SPON1: variants seen among roughly 807,000 people sequenced by gnomAD.
SPON1 encodes spondin 1, also known as spondin-1.
In SPON1, 52 loss-of-function variants were observed where a neutral mutation model predicts 111.7. That is an observed-to-expected ratio of 0.47 (90% CI 0.37 to 0.59). The LOEUF (loss-of-function observed/expected upper bound fraction) is 0.59, where lower values mean the gene tolerates loss of function less well. Ranked by LOEUF, SPON1 falls within the 20% of genes least tolerant of loss-of-function variation. The pLI, the probability that SPON1 is intolerant of heterozygous loss-of-function variation, is 0.00. For missense variants in SPON1, 957 were observed against 1,068.5 expected (o/e 0.90, Z 1.46); for synonymous variants, 410 against 395.8 (o/e 1.04, Z -0.43).
At chr11:14,264,468 A>C (rs1001253603) in intron 15 of SPON1, among the ~76,000 whole-genome samples, 2 of 152,234 alleles carry the variant, frequency 1.3e-5, no homozygotes, top group African/African-American at 4.8e-5. Context: ...CCATGTAAAA[A>C]AGTGAAGATT....
intron 3 of SPON1, among the ~76,000 whole-genome samples, chr11:14,075,007 T>A (rs1389715460): frequency 6.6e-6 from 1 of 152,206 alleles, no homozygotes; most frequent in Non-Finnish European, 1.5e-5. Context: ...ACATGAAAAG[T>A]AGAGTAAAAT....
At chr11:13,997,808 G>T (rs916454108) in intron 2 of SPON1, among the ~76,000 whole-genome samples, 5 of 152,158 alleles carry the variant, frequency 3.3e-5, no homozygotes, top group African/African-American at 1.2e-4. Flanking sequence ...AATGTGGGTG[G>T]TTGGCTGGGC....
chr11:14,214,810 T>A (rs998962330), intron 6 of SPON1, among the ~76,000 whole-genome samples: 4 of 152,222 alleles, frequency 2.6e-5, no homozygotes, highest in Non-Finnish European at 4.4e-5. Flanking sequence ...AGCCAACTCC[T>A]CTTGCCCCTG....
rs1554941240 is a variant in SPON1, at chr11:14,256,625, A to G, written c.1242A>G (p.Gln414=). The change falls in exon 10 of 16, where the codon CAA becomes CAG. Residue 414 remains glutamine, a synonymous_variant. Transcript: ENST00000576479. ...VIERIARKGE[Q]CNIVPDNVDD... ...TAAAATTCCTTTTTCAGGGTGAACA[A>G]TGCAATATTGTACCTGACAATGTCG... The G allele has an allele frequency of 2.5e-6, 4 of 1,613,218 alleles. No individual in the cohort carries two copies. The highest frequency in any genetic ancestry group is 2.5e-6 in the Non-Finnish European group (3 of 1,179,382).
intron 15 of SPON1, 43 bp from the exon 16 acceptor site, chr11:14,265,481 G>T: frequency 6.3e-7 from 1 of 1,587,560 alleles, no homozygotes; most frequent in Non-Finnish European, 8.6e-7. Context: ...TCCCTGTTCC[G>T]TCCCGTTTCT....
intron 6 of SPON1, among the ~76,000 whole-genome samples, chr11:14,223,538 G>A (rs1848704160): frequency 6.6e-6 from 1 of 152,220 alleles, no homozygotes. Context: ...AGCAGGACAT[G>A]TGGAAAGCCG....
intron 2 of SPON1, among the ~76,000 whole-genome samples, chr11:13,995,120 C>A (rs549130093): frequency 7.6e-4 from 115 of 152,228 alleles, no homozygotes; most frequent in African/African-American, 2.7e-3. Context: ...AGGGCAAAAT[C>A]ATGTCTATTT....
At chr11:14,166,730 A>G (rs1428752207) in intron 6 of SPON1, among the ~76,000 whole-genome samples, 1 of 152,186 alleles carries the variant, frequency 6.6e-6, no homozygotes, top group Non-Finnish European at 1.5e-5. Flanking sequence ...TTATACTAAC[A>G]TTATAGAAGT....
chr11:14,197,443 A>C (rs1213779564), intron 6 of SPON1, among the ~76,000 whole-genome samples: 2 of 151,938 alleles, frequency 1.3e-5, no homozygotes, highest in Non-Finnish European at 2.9e-5. Flanking sequence ...AGAATCCATG[A>C]AGCTTAAACT....
intron 5 of SPON1, among the ~76,000 whole-genome samples, chr11:14,129,694 G>A (rs1355707137): frequency 6.6e-6 from 1 of 152,038 alleles, no homozygotes; most frequent in Non-Finnish European, 1.5e-5. Flanking sequence ...CCCACTTTGG[G>A]TACCAATTTT....
intron 6 of SPON1, among the ~76,000 whole-genome samples, chr11:14,142,178 G>C (rs1232126925): frequency 6.6e-6 from 1 of 152,206 alleles, no homozygotes; most frequent in Non-Finnish European, 1.5e-5. Flanking sequence ...TTGGAGCAGA[G>C]CCTGCCCTTA....
chr11:14,161,019 C>CTATATATT (rs1564919890), intron 6 of SPON1, among the ~76,000 whole-genome samples: 4 of 55,386 alleles, frequency 7.2e-5, no homozygotes, highest in African/African-American at 1.6e-4. Context: ...ATTTATATAT[C>CTATATATT]TATATATATT....
chr11:14,198,951 T>C (rs1337382581), intron 6 of SPON1, among the ~76,000 whole-genome samples: 1 of 152,236 alleles, frequency 6.6e-6, no homozygotes, highest in African/African-American at 2.4e-5. Flanking sequence ...TGACCAGAGA[T>C]AAATCTAGCT....
At chr11:14,122,783 T>G (rs1847407427) in intron 5 of SPON1, among the ~76,000 whole-genome samples, 1 of 152,200 alleles carries the variant, frequency 6.6e-6, no homozygotes. Flanking sequence ...ATTATGTCCA[T>G]CTTTAAATCC....
chr11:14,137,300 C>A (rs1038952169), intron 6 of SPON1, among the ~76,000 whole-genome samples: 4 of 152,182 alleles, frequency 2.6e-5, no homozygotes, highest in African/African-American at 9.7e-5. Context: ...GGAAAAAGTT[C>A]TTTGGTATGT....
chr11:14,208,756 T>C (rs1296631522), intron 6 of SPON1, among the ~76,000 whole-genome samples: 1 of 152,232 alleles, frequency 6.6e-6, no homozygotes, highest in Non-Finnish European at 1.5e-5. Context: ...TTGTTTATTG[T>C]ACTTCATATA....
At chr11:14,146,918 A>T (rs1591388710) in intron 6 of SPON1, among the ~76,000 whole-genome samples, 1 of 151,946 alleles carries the variant, frequency 6.6e-6, no homozygotes, top group African/African-American at 2.4e-5. Context: ...ATTTTTCTTC[A>T]TACCTTAATC....
At chr11:14,050,388 A>G (rs115953297) in intron 3 of SPON1, among the ~76,000 whole-genome samples, 2,477 of 152,312 alleles carry the variant, frequency 0.016, 74 homozygotes, top group African/African-American at 0.057. Flanking sequence ...TTATTGGAAC[A>G]CAGTTACGTT....
At chr11:14,200,196 T>A (rs1214719090) in intron 6 of SPON1, among the ~76,000 whole-genome samples, 1 of 152,182 alleles carries the variant, frequency 6.6e-6, no homozygotes, top group Non-Finnish European at 1.5e-5. Context: ...TATCTGTAAT[T>A]AATAGAGTGT....
Sources: gnomAD v4.1 joint callset for allele counts (sites outside exome capture counted in the v4.1 genomes callset) on GRCh38, gnomAD v4.1.1 for gene constraint, MANE v1.5 for transcripts, NCBI Gene and HGNC (gene_info 2026-07-23, HGNC 2026-07-21) for gene names.